SNX29: variants seen among roughly 807,000 people sequenced by gnomAD.
SNX29 encodes the protein sorting nexin-29.
SNX29 carries 78 observed loss-of-function variants against 102.1 expected under a neutral mutation model. The ratio of observed to expected loss-of-function variants is 0.76; its 90% CI spans 0.64 to 0.92. The LOEUF (loss-of-function observed/expected upper bound fraction) is 0.92. SNX29 is among the 40% of genes least tolerant of loss of function. The pLI is 0.00. For missense variants in SNX29, 1,280 were observed against 1,061.7 expected (o/e 1.21, Z -2.86); for synonymous variants, 580 against 414.5 (o/e 1.40, Z -4.85).
rs138484429 is a variant in SNX29 at position 12,257,424 on chromosome 16, C to T, written c.1679-20509C>T. ...AACTCTAATTATATCTGCAAAGTCT[C>T]TTGCTATGTGCAGCAACATATTCAC... On this transcript the variant is annotated intron_variant, in intron 14 of 20. Coordinates refer to ENST00000566228, the MANE Select transcript of SNX29 (RefSeq NM_032167.5). Among the ~76,000 whole-genome samples the T allele has an allele frequency of 3.4e-3, 517 of 152,326 alleles. 2 individuals are homozygous for T. The highest frequency in any genetic ancestry group is 0.012 in the African/African-American group (505 of 41,574).
chr16:12,450,812 G>A (rs902645355), intron 18 of SNX29, among the ~76,000 whole-genome samples: 1 of 152,090 alleles, frequency 6.6e-6, no homozygotes, highest in South Asian at 2.1e-4. Flanking sequence ...ACCTAGGGTC[G>A]ATCAGGGACC....
chr16:12,566,542 G>A lies in SNX29; in HGVS notation c.2319-1964G>A, dbSNP rs118025413. Among the ~76,000 whole-genome samples the A allele has an allele frequency of 1.8e-3, 272 of 152,338 alleles. 2 individuals carry two copies. The East Asian group carries it at 0.018, about 10-fold the overall frequency. ...CCCGCATCTGAAGAGCATGACAGGA[G>A]GGGGTTGTGAGGGCATGGCTTTAAA... is the stretch of plus-strand genomic sequence containing the variant. On this transcript the variant is annotated intron_variant, in intron 20 of 20. Transcript: ENST00000566228.
At chr16:12,056,282 C>T (rs1440184716) in intron 8 of SNX29, among the ~76,000 whole-genome samples, 1 of 152,176 alleles carries the variant, frequency 6.6e-6, no homozygotes, top group Non-Finnish European at 1.5e-5. Flanking sequence ...GCCAAGGCAG[C>T]CCCCAGCATT....
Position 12,069,126 on chromosome 16 carries a change from G to T in SNX29, c.1313G>T (p.Arg438Leu). ...EDHVLPDPGL[R>L]YSVEASSPGH... is the part of the protein sequence containing the mutation. Reference sequence around the variant, plus strand: ...CACGTTCTCCCAGATCCTGGACTTCGGTACAGGTTAATATTGAGAAACCCA... The same window carrying T: ...CACGTTCTCCCAGATCCTGGACTTCTGTACAGGTTAATATTGAGAAACCCA... Residue 438 changes from arginine to leucine, a missense_variant, in exon 10 of 21, where the codon CGG becomes CTG. Arg to Leu is a moderately radical substitution (Grantham distance 102). Coordinates refer to ENST00000566228, the MANE Select transcript of SNX29 (RefSeq NM_032167.5). The T allele has an allele frequency of 6.2e-7, 1 of 1,613,078 alleles. No individual in the cohort carries two copies. The highest frequency in any genetic ancestry group is 8.5e-7 in the Non-Finnish European group (1 of 1,179,294).
At chr16:12,215,730 AC>A (rs2077307080) in intron 14 of SNX29, among the ~76,000 whole-genome samples, 1 of 151,972 alleles carries the variant, frequency 6.6e-6, no homozygotes, top group African/African-American at 2.4e-5. Context: ...GCTTCCCCTT[AC>A]CCTTTGTTTC....
chr16:12,232,259 G>T (rs1296008529), intron 14 of SNX29, among the ~76,000 whole-genome samples: 2 of 152,190 alleles, frequency 1.3e-5, no homozygotes, highest in African/African-American at 4.8e-5. Flanking sequence ...TGGGAAGGTG[G>T]CTCACACCTG....
intron 13 of SNX29, among the ~76,000 whole-genome samples, chr16:12,137,129 G>A (rs1597016402): frequency 6.6e-6 from 1 of 152,168 alleles, no homozygotes; most frequent in Non-Finnish European, 1.5e-5. Flanking sequence ...GGCAAGCAGC[G>A]GGCAGCAAAA....
chr16:12,522,396 C>G (rs1204844484), intron 19 of SNX29, among the ~76,000 whole-genome samples: 3 of 152,128 alleles, frequency 2.0e-5, no homozygotes, highest in Non-Finnish European at 4.4e-5. Context: ...TGTGGGAACT[C>G]TTCTCTTCTT....
intron 19 of SNX29, among the ~76,000 whole-genome samples, chr16:12,509,231 G>A (rs764572437): frequency 3.3e-5 from 5 of 152,216 alleles, no homozygotes; most frequent in Non-Finnish European, 7.3e-5. Flanking sequence ...TTGGAATCGA[G>A]TGTGAAGGGA....
intron 20 of SNX29, among the ~76,000 whole-genome samples, chr16:12,544,426 T>A (rs2077491142): frequency 6.6e-6 from 1 of 152,122 alleles, no homozygotes; most frequent in South Asian, 2.1e-4. Context: ...GCTGGTGGGA[T>A]TTGGACGTTT....
At chr16:12,244,499 C>A (rs1225225338) in intron 14 of SNX29, among the ~76,000 whole-genome samples, 1 of 152,014 alleles carries the variant, frequency 6.6e-6, no homozygotes. Context: ...ATCCCAGCTG[C>A]TCTGGAGGCT....
At position 12,158,285 on chromosome 16, in the gene SNX29, C is replaced by T. The variant is rs149889512; in HGVS notation, c.1595+28527C>T. Among the ~76,000 whole-genome samples the T allele has an allele frequency of 8.8e-4, 134 of 152,098 alleles. No homozygotes were observed. In the East Asian group the frequency reaches 0.023, roughly 26 times the overall value. On this transcript the variant is annotated intron_variant, in intron 13 of 20. Transcript: ENST00000566228. The stretch of plus-strand genomic sequence containing the variant: ...CGCAATCTCGGCTTACTGCAATCTC[C>T]GCCTCCAGGGTTCAAGTAATTCTCC...
intron 20 of SNX29, among the ~76,000 whole-genome samples, chr16:12,542,411 C>A (rs1597851511): frequency 2.0e-5 from 3 of 152,246 alleles, no homozygotes; most frequent in Admixed American, 2.0e-4. Context: ...TCTCCCCTCA[C>A]TACAGCCTTC....
At chr16:12,051,793 C>A in intron 7 of SNX29, 54 bp from the exon 8 acceptor site, 2 of 1,582,726 alleles carry the variant, frequency 1.3e-6, no homozygotes, top group South Asian at 2.4e-5. Context: ...TTCCATCATC[C>A]TTTTGTCTTG....
chr16:12,511,256 G>A (rs1022013183), intron 19 of SNX29, among the ~76,000 whole-genome samples: 8 of 152,188 alleles, frequency 5.3e-5, no homozygotes, highest in African/African-American at 1.9e-4. Flanking sequence ...TAAGAGGCAG[G>A]ACAGCCTCAT....
chr16:12,445,656 C>T (rs374934056), intron 18 of SNX29, among the ~76,000 whole-genome samples: 39 of 152,328 alleles, frequency 2.6e-4, no homozygotes, highest in African/African-American at 9.4e-4. Context: ...AAAATAGCCT[C>T]AGTGTACAGT....
At chr16:12,175,475 AAAAC>A (rs533892439) in intron 13 of SNX29, among the ~76,000 whole-genome samples, 89 of 152,138 alleles carry the variant, frequency 5.8e-4, no homozygotes, top group South Asian at 1.0e-3. Context: ...CTAAAAATAC[AAAAC>A]AAACAAACAA....
At position 12,398,442 on chromosome 16, in the gene SNX29, G is replaced by C. The variant is rs181146157; in HGVS notation, c.1900-4G>C. 1 of 1,613,964 alleles carries C rather than the reference G, an allele frequency of 6.2e-7. No individual in the cohort carries two copies. Among genetic ancestry groups the C allele is most frequent in the Non-Finnish European group, 8.5e-7 (1 of 1,179,868 alleles). ...CTCCCCTCTCCCCCTTCTCCTGATG[G>C]TAGGTGCCTGGAGATTTGAGTCAAA... On this transcript the variant is annotated splice_region_variant and splice_polypyrimidine_tract_variant and intron_variant, in intron 16 of 20. Transcript: ENST00000566228.
chr16:12,324,617 G>A (rs2081060866), intron 15 of SNX29, among the ~76,000 whole-genome samples: 1 of 152,060 alleles, frequency 6.6e-6, no homozygotes, highest in South Asian at 2.1e-4. Context: ...AAACCTGTTT[G>A]CAACCTCTGG....
Sources: allele counts gnomAD v4.1 joint callset (sites outside exome capture counted in the v4.1 genomes callset), GRCh38; gene constraint gnomAD v4.1.1; transcripts MANE v1.5; gene names NCBI Gene and HGNC (gene_info 2026-07-23, HGNC 2026-07-21).